The following ERICH3 variants were observed in gnomAD, a reference collection of about 807,000 sequenced individuals.
ERICH3 encodes the protein glutamate rich 3, also known as glutamate-rich protein 3.
A neutral mutation model predicts 131.1 loss-of-function variants in ERICH3; 126 were observed. The ratio of observed to expected loss-of-function variants is 0.96; its 90% CI spans 0.83 to 1.11. ERICH3 has a LOEUF of 1.11. Among genes scored for constraint, ERICH3 ranks in the 50% most tolerant of loss-of-function variants. The pLI is 0.00. For missense variants in ERICH3, 2,050 were observed against 1,810.7 expected (o/e 1.13, Z -2.40); for synonymous variants, 695 against 644.6 (o/e 1.08, Z -1.18).
chr1:74,602,094 T>C (rs1356609438), intron 10 of ERICH3, among the ~76,000 whole-genome samples: 1 of 151,854 alleles, frequency 6.6e-6, no homozygotes, highest in Non-Finnish European at 1.5e-5. Flanking sequence ...CTGATTAAAA[T>C]CAGAGCAGTA....
intron 11 of ERICH3, among the ~76,000 whole-genome samples, chr1:74,598,337 C>G (rs1040107559): frequency 2.0e-5 from 3 of 151,664 alleles, no homozygotes; most frequent in African/African-American, 7.3e-5. Flanking sequence ...GATTAAGTAT[C>G]TGAATTAAAA....
At chr1:74,587,412 G>T (rs758175489) in intron 12 of ERICH3, among the ~76,000 whole-genome samples, 11 of 146,258 alleles carry the variant, frequency 7.5e-5, no homozygotes, top group Non-Finnish European at 1.5e-4. Context: ...TTAATAAAAA[G>T]ATAACAAAAT....
intron 3 of ERICH3, 66 bp from the exon 4 acceptor site, chr1:74,643,164 A>T: frequency 2.5e-6 from 3 of 1,221,736 alleles, no homozygotes; most frequent in Non-Finnish European, 2.3e-6. Context: ...GTTTAGAGGA[A>T]AATAATTCCA....
At chr1:74,615,414 T>A (rs577659994) in intron 8 of ERICH3, 4 of 152,210 alleles carry the variant, frequency 2.6e-5, no homozygotes, top group Non-Finnish European at 4.4e-5. Flanking sequence ...TTAAATATTT[T>A]AGAATGTAAA....
intron 2 of ERICH3, among the ~76,000 whole-genome samples, chr1:74,648,560 G>A (rs1646504695): frequency 1.3e-5 from 2 of 152,226 alleles, no homozygotes; most frequent in Middle Eastern, 3.4e-3. Context: ...TGCAATACGT[G>A]CTCTTTCAAC....
At chr1:74,628,580 G>T (rs1649490886) in intron 7 of ERICH3, among the ~76,000 whole-genome samples, 1 of 151,766 alleles carries the variant, frequency 6.6e-6, no homozygotes, top group Admixed American at 6.6e-5. Context: ...TCAACAGTAG[G>T]TTACAAGTAG....
rs142226796 is a variant in ERICH3 at position 74,571,882 on chromosome 1, C to G, written c.3828G>C (p.Glu1276Asp). 6.5e-4 allele frequency: 1,040 copies of G among 1,612,010 alleles called. 6 individuals carry two copies. The African/African-American group carries it at 0.012, about 19-fold the overall frequency. ...VVLRTQEAVA[E>D]EDPIMAEKFR... Reference sequence around the variant, plus strand: ...ACTTTTCTGCCATTATGGGATCTTCCTCAGCAACAGCTTCCTGGGTCCTTA... The same window carrying G: ...ACTTTTCTGCCATTATGGGATCTTCGTCAGCAACAGCTTCCTGGGTCCTTA... Residue 1276 changes from glutamate to aspartate, a missense_variant, in exon 14 of 15, where the codon GAG (glutamate) becomes GAC (aspartate). By Grantham distance (45) the Glu-to-Asp change is conservative. Transcript: ENST00000326665.
chr1:74,599,867 C>T lies in ERICH3; in HGVS notation c.1554G>A (p.Gln518=), dbSNP rs561912976. 6.2e-6 allele frequency: 10 copies of T among 1,612,256 alleles called. No individual in the cohort carries two copies. The African/African-American group carries it at 1.2e-4, about 19-fold the overall frequency. Residue 518 remains glutamine (Q), a synonymous_variant, in exon 11 of 15, where the codon CAG becomes CAA. Transcript: ENST00000326665. ...GTATTCCATTCATTTGAACATCAGCCTGTCCTTCTTCATTAGATTTTTCAC... is the reference window on the plus strand; with the variant it reads ...GTATTCCATTCATTTGAACATCAGCTTGTCCTTCTTCATTAGATTTTTCAC... The part of the protein sequence containing the change: ...KQGEKSNEEG[Q]ADVQMNGIPQ...
intron 1 of ERICH3, among the ~76,000 whole-genome samples, chr1:74,662,757 T>TAA (rs138815150): frequency 0.031 from 4,677 of 152,218 alleles, 249 homozygotes; most frequent in African/African-American, 0.11. Flanking sequence ...CCTAAATAGG[T>TAA]AATGCTGCTG....
intron 7 of ERICH3, chr1:74,625,435 A>G (rs1364411167): frequency 6.6e-6 from 1 of 152,046 alleles, no homozygotes; most frequent in Non-Finnish European, 1.5e-5. Context: ...CCCTGGTTCT[A>G]TCTGCTAACT....
rs558472763 is a variant in ERICH3, at chr1:74,641,549, A to G, written c.316-90T>C. 56 of 1,379,198 alleles carry G rather than the reference A, an allele frequency of 4.1e-5. No individual in the cohort carries two copies. In the East Asian group the frequency reaches 1.2e-3, roughly 29 times the overall value. 85.4% of individuals were successfully genotyped at this position (1,379,198 alleles called of 1,614,324 possible). A position where few individuals can be genotyped will look rare whatever the true frequency, so the allele number is the denominator to read the frequency against. On this transcript the variant is annotated intron_variant, in intron 4 of 14. Coordinates refer to ENST00000326665, the MANE Select transcript of ERICH3 (RefSeq NM_001002912.5). ...ACATGTGCGAAATACTATATGACTA[A>G]AGAAATTCTTTCTCATTTCTTCCAA...
chr1:74,623,352 G>A (rs1302768950), intron 7 of ERICH3: 1 of 152,158 alleles, frequency 6.6e-6, no homozygotes, highest in Non-Finnish European at 1.5e-5. Context: ...GCAACATTTA[G>A]CATTGAATTG....
At chr1:74,627,176 G>A (rs1019593126) in intron 7 of ERICH3, among the ~76,000 whole-genome samples, 50 of 152,096 alleles carry the variant, frequency 3.3e-4, no homozygotes, top group Non-Finnish European at 8.8e-5. Flanking sequence ...CAGGGCTAGA[G>A]TCAACTCCAA....
chr1:74,671,407 C>T (rs1164342480), intron 1 of ERICH3, among the ~76,000 whole-genome samples: 3 of 152,196 alleles, frequency 2.0e-5, no homozygotes, highest in South Asian at 2.1e-4. Context: ...ACACCCCCTT[C>T]CCTTTTGAAA....
At chr1:74,616,112 G>T (rs188852117) in intron 8 of ERICH3, among the ~76,000 whole-genome samples, 3 of 151,824 alleles carry the variant, frequency 2.0e-5, no homozygotes, top group Non-Finnish European at 4.4e-5. Context: ...AGCTATTCTC[G>T]TGCCTCAGCC....
intron 6 of ERICH3, among the ~76,000 whole-genome samples, chr1:74,635,017 G>A (rs1390662023): frequency 6.6e-6 from 1 of 152,030 alleles, no homozygotes; most frequent in East Asian, 1.9e-4. Context: ...GACATCTCTT[G>A]GTGAATAAAT....
At chr1:74,638,447 T>G (rs1159490967) in intron 5 of ERICH3, among the ~76,000 whole-genome samples, 2 of 152,118 alleles carry the variant, frequency 1.3e-5, no homozygotes, top group Non-Finnish European at 2.9e-5. Flanking sequence ...CAACTTAAAG[T>G]TCCACAGAAG....
At chr1:74,576,406 A>T (rs1229782296) in intron 13 of ERICH3, among the ~76,000 whole-genome samples, 1 of 152,186 alleles carries the variant, frequency 6.6e-6, no homozygotes, top group Non-Finnish European at 1.5e-5. Context: ...GTTCTCTAAG[A>T]TCATGGTGCC....
chr1:74,665,526 G>A (rs775324156), intron 1 of ERICH3, among the ~76,000 whole-genome samples: 17 of 152,168 alleles, frequency 1.1e-4, no homozygotes, highest in Admixed American at 2.0e-4. Context: ...GTAGGGCTGC[G>A]ATAACAAGGC....
Sources: gnomAD v4.1 joint callset for allele counts (sites outside exome capture counted in the v4.1 genomes callset) on GRCh38, gnomAD v4.1.1 for gene constraint, MANE v1.5 for transcripts, NCBI Gene and HGNC (gene_info 2026-07-23, HGNC 2026-07-21) for gene names.